ANKRD30B: variants seen among roughly 807,000 people sequenced by gnomAD.
ANKRD30B encodes ankyrin repeat domain-containing protein 30B.
A neutral mutation model predicts 202.2 loss-of-function variants in ANKRD30B; 144 were observed. That is an observed-to-expected ratio of 0.71 (90% CI 0.62 to 0.82). ANKRD30B has a LOEUF of 0.82. Ranked by LOEUF, ANKRD30B falls within the 40% of genes least tolerant of loss-of-function variation. ANKRD30B has a pLI of 0.00. For synonymous variants in ANKRD30B, 508 were observed against 561.3 expected, an observed-to-expected ratio of 0.91 and a Z score of 1.34; for missense variants, 1,487 against 1,669.1, an observed-to-expected ratio of 0.89 and a Z score of 1.90.
At chr18:14,872,891 A>G in the ANKRD30B span, among the ~76,000 whole-genome samples, 1 of 152,158 alleles carries the variant, frequency 6.6e-6, no homozygotes, top group Non-Finnish European at 1.5e-5. Flanking sequence ...TCTCATGGAT[A>G]TCAGGCACCA....
chr18:14,786,044 C>CAAAAAAAAAA (rs10572502), intron 14 of ANKRD30B, among the ~76,000 whole-genome samples: 1 of 72,714 alleles, frequency 1.4e-5, no homozygotes, highest in Non-Finnish European at 2.3e-5. Flanking sequence ...GACTCCGTCT[C>CAAAAAAAAAA]AAAAAAAAAA....
Position 14,757,965 on chromosome 18 carries a change from A to G in ANKRD30B, c.755+13A>G, listed in dbSNP as rs540030491. The stretch of plus-strand genomic sequence containing the variant: ...GTGGAGTTAATTAGTAAGTGTTTAC[A>G]TTTAAAGGCTAGGTGAAATTTTATT... On this transcript the variant is annotated intron_variant, in intron 5 of 43. Coordinates refer to ENST00000690538, the MANE Select transcript of ANKRD30B (RefSeq NM_001367607.2). 1.3e-6 allele frequency: 2 copies of G among 1,570,948 alleles called. No individual in the cohort carries two copies. The highest frequency in any genetic ancestry group is 1.4e-5 in the African/African-American group (1 of 73,738).
chr18:14,820,463 A>T (rs1173323767), intron 30 of ANKRD30B, among the ~76,000 whole-genome samples: 4 of 152,110 alleles, frequency 2.6e-5, no homozygotes, highest in Admixed American at 1.3e-4. Flanking sequence ...GAATGCTTCC[A>T]GTTTTTGCCC....
intron 30 of ANKRD30B, among the ~76,000 whole-genome samples, chr18:14,815,902 G>A (rs774567433): frequency 9.2e-5 from 14 of 152,196 alleles, no homozygotes; most frequent in Non-Finnish European, 1.3e-4. Context: ...TTGGCATACC[G>A]TTATGCCATA....
chr18:14,932,228 C>T, the ANKRD30B span, among the ~76,000 whole-genome samples: 5 of 151,914 alleles, frequency 3.3e-5, no homozygotes, highest in East Asian at 2.0e-4. Flanking sequence ...TCCTGCCTGG[C>T]GTCAGGTCTG....
chr18:14,796,794 T>A (rs1381111566), intron 18 of ANKRD30B, among the ~76,000 whole-genome samples: 1 of 149,922 alleles, frequency 6.7e-6, no homozygotes, highest in Non-Finnish European at 1.5e-5. Flanking sequence ...ATACCCACAT[T>A]TATTATTAAG....
At chr18:14,888,731 G>T in the ANKRD30B span, 7 of 913,168 alleles carry the variant, frequency 7.7e-6, no homozygotes, top group African/African-American at 1.7e-5. Flanking sequence ...GAAGAACGTG[G>T]GCTGTTTTTG....
chr18:14,753,446 GCT>G (rs1913800492), intron 3 of ANKRD30B, among the ~76,000 whole-genome samples: 1 of 152,070 alleles, frequency 6.6e-6, no homozygotes, highest in Non-Finnish European at 1.5e-5. Context: ...GAACGTTCTA[GCT>G]TTACACAAAG....
chr18:14,884,495 C>T, the ANKRD30B span, among the ~76,000 whole-genome samples: 1 of 151,658 alleles, frequency 6.6e-6, no homozygotes, highest in Non-Finnish European at 1.5e-5. Context: ...TAGATAACTA[C>T]CACATGGAAG....
chr18:14,874,385 C>G, the ANKRD30B span, among the ~76,000 whole-genome samples: 3 of 152,120 alleles, frequency 2.0e-5, no homozygotes, highest in Non-Finnish European at 4.4e-5. Context: ...TAACTCATGG[C>G]TATGAGGCCT....
intron 18 of ANKRD30B, among the ~76,000 whole-genome samples, chr18:14,796,852 TTA>T (rs1245057781): frequency 6.6e-6 from 1 of 152,104 alleles, no homozygotes; most frequent in Non-Finnish European, 1.5e-5. Context: ...GGTCATTTGA[TTA>T]TGAGGTGAGA....
Position 14,795,641 on chromosome 18 carries a change from T to C in ANKRD30B, c.1826-580T>C, listed in dbSNP as rs540045800. Among the ~76,000 whole-genome samples the C allele has an allele frequency of 8.7e-4, 133 of 152,308 alleles. 1 individual carries two copies. The highest frequency in any genetic ancestry group is 3.4e-3 in the Middle Eastern group (1 of 294). ...AAAAATAAATATATTTATAAACTTT[T>C]ATTCTATAAGTAGATATTTATGCTG... On this transcript the variant is annotated intron_variant, in intron 16 of 43. Coordinates refer to ENST00000690538, the MANE Select transcript of ANKRD30B (RefSeq NM_001367607.2).
chr18:14,939,546 C>T, the ANKRD30B span, among the ~76,000 whole-genome samples: 2 of 152,292 alleles, frequency 1.3e-5, no homozygotes, highest in South Asian at 2.1e-4. Context: ...AGAATACACC[C>T]CTAGCCCTAA....
the ANKRD30B span, among the ~76,000 whole-genome samples, chr18:14,919,995 TC>T: frequency 2.0e-5 from 3 of 152,166 alleles, no homozygotes; most frequent in African/African-American, 7.2e-5. Context: ...CTGTGCCTCA[TC>T]CACAGGCTCA....
the ANKRD30B span, among the ~76,000 whole-genome samples, chr18:14,865,618 T>G: frequency 6.6e-6 from 1 of 150,824 alleles, no homozygotes; most frequent in East Asian, 2.0e-4. Context: ...TACCCCCAGT[T>G]TTTTTTTTCC....
At chr18:14,827,194 C>T (rs1181796702) in intron 32 of ANKRD30B, among the ~76,000 whole-genome samples, 1 of 152,104 alleles carries the variant, frequency 6.6e-6, no homozygotes, top group Non-Finnish European at 1.5e-5. Flanking sequence ...AGGAACAGAC[C>T]ATTTTGATGA....
chr18:14,859,005 C>T (rs1308179506), downstream of ANKRD30B, among the ~76,000 whole-genome samples: 116 of 97,668 alleles, frequency 1.2e-3, no homozygotes, highest in Non-Finnish European at 1.7e-3. Context: ...TGGGCAAAGG[C>T]GCTCCTCACC....
chr18:14,775,853 G>C (rs1967319812), intron 9 of ANKRD30B, among the ~76,000 whole-genome samples: 1 of 152,162 alleles, frequency 6.6e-6, no homozygotes, highest in African/African-American at 2.4e-5. Flanking sequence ...ACTAGCTATG[G>C]GAACTTGGAA....
At chr18:14,924,814 C>T in the ANKRD30B span, among the ~76,000 whole-genome samples, 4 of 152,208 alleles carry the variant, frequency 2.6e-5, no homozygotes, top group Non-Finnish European at 5.9e-5. Context: ...TGAGAGGGCT[C>T]AGACCTTGAA....
Sources: gnomAD v4.1 joint callset for allele counts (sites outside exome capture counted in the v4.1 genomes callset) on GRCh38, gnomAD v4.1.1 for gene constraint, MANE v1.5 for transcripts, NCBI Gene and HGNC (gene_info 2026-07-23, HGNC 2026-07-21) for gene names.